The following KIF4A variants were observed in gnomAD, a reference collection of about 807,000 sequenced individuals.
KIF4A encodes chromosome-associated kinesin KIF4A.
Under a neutral mutation model 105.9 loss-of-function variants are expected in KIF4A, and 7 were observed. The observed-to-expected ratio is 0.07, with a 90% CI of 0.04 to 0.12. KIF4A has a LOEUF of 0.12. KIF4A is among the 10% of genes least tolerant of loss of function. KIF4A has a pLI of 1.00. For missense variants in KIF4A, 558 were observed against 929.2 expected (o/e 0.60, Z 5.19); for synonymous variants, 281 against 331.3 (o/e 0.85, Z 1.65).
chrX:70,408,946 A>G (rs913300219), intron 28 of KIF4A, among the ~76,000 whole-genome samples: 10 of 110,646 alleles, frequency 9.0e-5, no homozygotes, highest in African/African-American at 3.0e-4. Context: ...GCTCACCACA[A>G]CCTCCTCCTC....
At chrX:70,409,681 C>T (rs768099110) in intron 28 of KIF4A, among the ~76,000 whole-genome samples, 1 of 108,977 alleles carries the variant, frequency 9.2e-6, no homozygotes, top group Admixed American at 9.9e-5. Flanking sequence ...CCTGTAATCG[C>T]AGCTACTTGG....
intron 23 of KIF4A, 32 bp downstream of exon 23, chrX:70,402,727 C>T (rs2086286958): frequency 8.4e-7 from 1 of 1,193,779 alleles, no homozygotes; most frequent in African/African-American, 1.8e-5. Flanking sequence ...AGTTAGGAGG[C>T]TGGCTGTGTA....
At chrX:70,301,476 G>A (rs2085804244) in intron 5 of KIF4A, among the ~76,000 whole-genome samples, 1 of 111,198 alleles carries the variant, frequency 9.0e-6, no homozygotes, top group Admixed American at 9.6e-5. Context: ...ATTTCCTCTA[G>A]TGAAAATGAG....
At chrX:70,402,787 C>T in intron 23 of KIF4A, 92 bp downstream of exon 23, 3 of 1,035,927 alleles carry the variant, frequency 2.9e-6, no homozygotes, top group South Asian at 4.1e-5. Flanking sequence ...GTTATTGCCA[C>T]TTTTCATGGT....
chrX:70,385,252 G>T (rs1045587032), intron 18 of KIF4A, among the ~76,000 whole-genome samples: 2 of 112,000 alleles, frequency 1.8e-5, no homozygotes, highest in Non-Finnish European at 3.8e-5. Flanking sequence ...AAACACCACT[G>T]AATTTAAGAA....
At chrX:70,323,665 T>C (rs986468698) in intron 7 of KIF4A, among the ~76,000 whole-genome samples, 1 of 111,134 alleles carries the variant, frequency 9.0e-6, no homozygotes, top group African/African-American at 3.3e-5. Flanking sequence ...AATTAACATT[T>C]TACTATATTT....
At position 70,353,662 on chromosome X, in the gene KIF4A, C is replaced by G. The variant is rs372107304; in HGVS notation, c.1529C>G (p.Ala510Gly). The G allele has an allele frequency of 9.1e-6, 11 of 1,211,224 alleles. No individual in the cohort carries two copies. The highest frequency in any genetic ancestry group is 1.0e-5 in the Non-Finnish European group (9 of 895,330). The change falls in exon 15 of 31, where the codon GCT becomes GGT. Residue 510 changes from alanine to glycine, a missense_variant. Physicochemically the swap from Ala to Gly is moderately conservative, Grantham distance 60. Around this residue, in one of 2 missense-constraint regions of KIF4A, gnomAD observed 469 missense variants for 680.4 expected, o/e 0.69. Transcript: ENST00000374403. ...CCAGAGACGAGCAGGTCTTCTGACG[C>G]TTTTACCACTCAGCATGCTCTCCGT... ...TSPETSRSSD[A>G]FTTQHALRQA...
intron 7 of KIF4A, among the ~76,000 whole-genome samples, chrX:70,327,852 G>T (rs1308717862): frequency 8.9e-6 from 1 of 111,873 alleles, no homozygotes; most frequent in East Asian, 2.8e-4. Context: ...GTTGAGAATT[G>T]ACATGGTGAG....
chrX:70,295,653 C>T (rs2085779352), intron 3 of KIF4A, among the ~76,000 whole-genome samples: 1 of 109,595 alleles, frequency 9.1e-6, no homozygotes, highest in Admixed American at 9.7e-5. Context: ...TGTGGTGGCT[C>T]ACGCCTGTAA....
chrX:70,355,104 C>T (rs1044637173), intron 15 of KIF4A, among the ~76,000 whole-genome samples: 1 of 111,664 alleles, frequency 9.0e-6, no homozygotes, highest in African/African-American at 3.3e-5. Flanking sequence ...GGACTTCCAC[C>T]CCTGCCTGGC....
In KIF4A at chrX:70,393,500, C is replaced by T. The variant is rs921871885; in HGVS notation, c.2233-2171C>T. Among the ~76,000 whole-genome samples the T allele has an allele frequency of 2.7e-5, 3 of 111,454 alleles. 1 individual carries two copies. Among genetic ancestry groups the T allele is most frequent in the Non-Finnish European group, 5.7e-5 (3 of 53,092 alleles). On this transcript the variant is annotated intron_variant, in intron 20 of 30. Transcript: ENST00000374403. ...TGTGTCCTTGCTGATTTTCTGCATA[C>T]TCGTCCTATCAATTATTGAGAAATA...
intron 7 of KIF4A, among the ~76,000 whole-genome samples, chrX:70,312,126 G>A (rs1019718424): frequency 1.9e-5 from 2 of 105,827 alleles, no homozygotes; most frequent in Non-Finnish European, 3.9e-5. Flanking sequence ...TTGCTCAATA[G>A]GCCTTTTAAA....
At chrX:70,392,884 G>A (rs189015861) in intron 20 of KIF4A, among the ~76,000 whole-genome samples, 1,415 of 105,647 alleles carry the variant, frequency 0.013, 17 homozygotes, top group Middle Eastern at 0.025. Context: ...ATTTTGAGAC[G>A]GAGTCTCGCT....
chrX:70,345,627 A>C (rs1203038913), intron 13 of KIF4A, among the ~76,000 whole-genome samples: 1 of 111,642 alleles, frequency 9.0e-6, no homozygotes, highest in Non-Finnish European at 1.9e-5. Context: ...AACAGTTTTT[A>C]ATGTTAATTG....
chrX:70,392,012 CATTTA>C (rs1475101733), intron 20 of KIF4A, among the ~76,000 whole-genome samples: 1 of 111,540 alleles, frequency 9.0e-6, no homozygotes, highest in African/African-American at 3.3e-5. Context: ...GGATAAACTC[CATTTA>C]ATTGTGATAT....
intron 7 of KIF4A, among the ~76,000 whole-genome samples, chrX:70,307,311 G>A (rs1171049413): frequency 1.8e-5 from 2 of 110,818 alleles, no homozygotes; most frequent in African/African-American, 3.3e-5. Flanking sequence ...TGTAGATCTT[G>A]TATCTGCAAA....
At chrX:70,343,463 C>A (rs1429043747) in intron 11 of KIF4A, among the ~76,000 whole-genome samples, 1 of 111,563 alleles carries the variant, frequency 9.0e-6, no homozygotes, top group African/African-American at 3.3e-5. Context: ...AGTTTCATGG[C>A]AAGCATAAAA....
chrX:70,333,505 C>A, intron 9 of KIF4A, 123 bp from the exon 10 acceptor site: 2 of 495,913 alleles, frequency 4.0e-6, no homozygotes, highest in South Asian at 3.0e-5. Flanking sequence ...GGTATGCTAT[C>A]TGCCTTAGAT....
At chrX:70,352,424 C>T (rs2086034767) in intron 13 of KIF4A, among the ~76,000 whole-genome samples, 176 bp from the exon 14 acceptor site, 1 of 111,968 alleles carries the variant, frequency 8.9e-6, no homozygotes, top group South Asian at 3.7e-4. Flanking sequence ...AGAAGAAAGA[C>T]TCTTGAGAGA....
Sources: gnomAD v4.1 joint callset for allele counts (sites outside exome capture counted in the v4.1 genomes callset) on GRCh38, gnomAD v4.1.1 for gene constraint, gnomAD v4.1.1 regional missense constraint, MANE v1.5 for transcripts, NCBI Gene and HGNC (gene_info 2026-07-23, HGNC 2026-07-21) for gene names.